GPR149: variants seen among roughly 807,000 people sequenced by gnomAD.
GPR149 encodes G protein-coupled receptor 149.
Under a neutral mutation model 50.2 loss-of-function variants are expected in GPR149, and 50 were observed. The observed-to-expected ratio is 1.00, with a 90% CI of 0.79 to 1.26. GPR149 has a LOEUF of 1.26. Ranked by LOEUF, GPR149 falls within the 50% of genes most tolerant of loss-of-function variation. The pLI is 0.00. For synonymous variants in GPR149, 405 were observed against 358.2 expected, an observed-to-expected ratio of 1.13 and a Z score of -1.48; for missense variants, 983 against 895.4, an observed-to-expected ratio of 1.10 and a Z score of -1.25.
intron 3 of GPR149, among the ~76,000 whole-genome samples, chr3:154,365,314 A>G (rs1419641838): frequency 6.6e-6 from 1 of 152,092 alleles, no homozygotes; most frequent in Admixed American, 6.5e-5. Flanking sequence ...TTCTGCCTTC[A>G]AGTCTCTGGT....
chr3:154,421,220 G>A lies in GPR149; in HGVS notation c.1442C>T (p.Ala481Val), dbSNP rs759839474. The A allele has an allele frequency of 5.6e-6, 9 of 1,613,374 alleles. No individual in the cohort carries two copies. Among genetic ancestry groups the A allele is most frequent in the African/African-American group, 1.3e-5 (1 of 74,848 alleles). ...CTTTTTGTTGTTGGAATCCTGTTTA[G>A]CTTCTGTAATATCAGTATTTGTGCA... ...NKCTNTDITE[A>V]KQDSNNKKDA... Residue 481 changes from alanine (A) to valine (V), a missense_variant, in exon 3 of 4, where the codon GCT (alanine) becomes GTT (valine). Ala to Val is a moderately conservative substitution (Grantham distance 64). Transcript: ENST00000389740.
intron 3 of GPR149, among the ~76,000 whole-genome samples, chr3:154,386,308 A>G (rs1340490331): frequency 1.3e-5 from 2 of 152,212 alleles, no homozygotes; most frequent in Non-Finnish European, 2.9e-5. Flanking sequence ...ACACAATTGC[A>G]AAGAGCTACA....
Position 154,338,177 on chromosome 3 carries a change from T to G in GPR149, c.1718A>C (p.Tyr573Ser), listed in dbSNP as rs768716585. 1 of 1,614,008 alleles carries G rather than the reference T, an allele frequency of 6.2e-7. No individual in the cohort carries two copies. ...PTGKTLSLST[Y>S]EVSAEGQKIT... ...TTTTTGCCCTTCTGCGCTTACCTCA[T>G]AGGTAGAAAGAGATAGGGTTTTCCC... is the stretch of plus-strand genomic sequence containing the variant. The change falls in exon 4 of 4, where the codon TAT (tyrosine) becomes TCT (serine). Residue 573 changes from tyrosine (Y) to serine (S), a missense_variant. Coordinates refer to ENST00000389740, the MANE Select transcript of GPR149 (RefSeq NM_001038705.3).
chr3:154,423,880 G>C (rs1288825142), intron 2 of GPR149, among the ~76,000 whole-genome samples: 4 of 151,582 alleles, frequency 2.6e-5, no homozygotes, highest in Admixed American at 2.6e-4. Context: ...TTAAGTTCTA[G>C]GGTACATGTG....
At position 154,351,313 on chromosome 3, in the gene GPR149, CAAAAAAAAAAAAA is replaced by C. The variant is rs71155003; in HGVS notation, c.1624-13055_1624-13043del. 8.6e-4 allele frequency among the ~76,000 whole-genome samples: 65 copies of C among 75,566 alleles called. 2 individuals are homozygous for C. Among genetic ancestry groups the C allele is most frequent in the African/African-American group, 3.2e-3 (61 of 19,352 alleles). The allele number at this position is 75,566 out of a possible 152,430, so 49.6% of individuals were successfully genotyped here. On this transcript the variant is annotated intron_variant, in intron 3 of 3. Coordinates refer to ENST00000389740, the MANE Select transcript of GPR149 (RefSeq NM_001038705.3). ...GCTAGGGCAATTAGACATCCACATA[CAAAAAAAAAAAAA>C]AAAAAAAAAAAAAAAAAAATAACCA...
At chr3:154,352,137 C>A (rs1451407869) in intron 3 of GPR149, 2 of 703,536 alleles carry the variant, frequency 2.8e-6, no homozygotes, top group Non-Finnish European at 4.5e-6. Flanking sequence ...ATCAAATATT[C>A]AGTCAAAACT....
intron 3 of GPR149, among the ~76,000 whole-genome samples, chr3:154,388,225 GT>G (rs1175879741): frequency 6.6e-6 from 1 of 151,922 alleles, no homozygotes; most frequent in Admixed American, 6.6e-5. Context: ...TACATTTACT[GT>G]TTTTTCATCT....
intron 3 of GPR149, among the ~76,000 whole-genome samples, chr3:154,409,354 C>T (rs1411177654): frequency 6.6e-6 from 1 of 152,020 alleles, no homozygotes; most frequent in African/African-American, 2.4e-5. Context: ...ACCAGCTCAC[C>T]AGCAGTAGAT....
At chr3:154,350,991 T>C (rs146047891) in intron 3 of GPR149, among the ~76,000 whole-genome samples, 1 of 152,176 alleles carries the variant, frequency 6.6e-6, no homozygotes, top group Non-Finnish European at 1.5e-5. Context: ...AATGTCTGTA[T>C]GTGTTTAGTA....
intron 3 of GPR149, among the ~76,000 whole-genome samples, chr3:154,379,533 A>C (rs1227155955): frequency 6.6e-6 from 1 of 152,118 alleles, no homozygotes. Context: ...GGGTCACAGT[A>C]ATTTTTTCCT....
At chr3:154,414,824 C>A (rs1711942068) in intron 3 of GPR149, among the ~76,000 whole-genome samples, 1 of 151,802 alleles carries the variant, frequency 6.6e-6, no homozygotes, top group South Asian at 2.1e-4. Flanking sequence ...GAGTAAACGT[C>A]CTGCGAAACA....
intron 3 of GPR149, among the ~76,000 whole-genome samples, chr3:154,358,967 C>T (rs972906700): frequency 6.6e-6 from 1 of 152,034 alleles, no homozygotes; most frequent in South Asian, 2.1e-4. Context: ...AGAACATGCA[C>T]CAAGAAGTGC....
rs915427639 is a variant in GPR149, at chr3:154,429,863, A to G, written c.-248T>C. The stretch of plus-strand genomic sequence containing the variant: ...GAACAGATAACTTTTCAACATTCCA[A>G]TTAAAAACAAAGCAAAAACTCCTTC... On this transcript the variant is annotated 5_prime_UTR_variant, in exon 1 of 4. Transcript: ENST00000389740. 1 of 380,120 alleles carries G rather than the reference A, an allele frequency of 2.6e-6. No individual in the cohort carries two copies. Among genetic ancestry groups the G allele is most frequent in the African/African-American group, 2.1e-5 (1 of 47,692 alleles). The allele number at this position is 380,120 out of a possible 1,614,324, so 23.5% of individuals were successfully genotyped here. A position where few individuals can be genotyped will look rare whatever the true frequency, so the allele number is the denominator to read the frequency against.
chr3:154,344,760 G>T (rs1162889906), intron 3 of GPR149, among the ~76,000 whole-genome samples: 1 of 152,128 alleles, frequency 6.6e-6, no homozygotes, highest in Non-Finnish European at 1.5e-5. Context: ...AGGCAAGAAA[G>T]GATCCTCCCC....
intron 3 of GPR149, among the ~76,000 whole-genome samples, chr3:154,411,760 T>A (rs961761032): frequency 6.6e-6 from 1 of 152,154 alleles, no homozygotes; most frequent in Non-Finnish European, 1.5e-5. Context: ...AAATGAATTC[T>A]ATCAGATATC....
intron 3 of GPR149, among the ~76,000 whole-genome samples, chr3:154,390,922 G>T (rs1387291360): frequency 3.3e-5 from 5 of 152,024 alleles, no homozygotes; most frequent in Non-Finnish European, 7.4e-5. Flanking sequence ...TAAATTCAAA[G>T]TGCTGAAAGA....
At chr3:154,381,442 T>C (rs1714923163) in intron 3 of GPR149, among the ~76,000 whole-genome samples, 1 of 152,214 alleles carries the variant, frequency 6.6e-6, no homozygotes, top group African/African-American at 2.4e-5. Context: ...GAAATCAAGC[T>C]TTTTAAACTA....
chr3:154,399,323 A>T (rs1336407108), intron 3 of GPR149, among the ~76,000 whole-genome samples: 1 of 152,190 alleles, frequency 6.6e-6, no homozygotes, highest in Non-Finnish European at 1.5e-5. Context: ...ATACTTTTGT[A>T]AAAAATACTG....
intron 3 of GPR149, chr3:154,352,174 G>C: frequency 1.3e-6 from 1 of 775,118 alleles, no homozygotes; most frequent in Non-Finnish European, 2.0e-6. Context: ...CTTCTTGATC[G>C]AGTTCTATTC....
Sources: allele counts gnomAD v4.1 joint callset (sites outside exome capture counted in the v4.1 genomes callset), GRCh38; gene constraint gnomAD v4.1.1; transcripts MANE v1.5; gene names NCBI Gene and HGNC (gene_info 2026-07-23, HGNC 2026-07-21).